The following PCDHGA3 variants were observed in gnomAD, a reference collection of about 807,000 sequenced individuals.
PCDHGA3 encodes the protein protocadherin gamma-A3.
PCDHGA3 carries 40 observed loss-of-function variants against 58.5 expected under a neutral mutation model. The ratio of observed to expected loss-of-function variants is 0.68; its 90% CI spans 0.53 to 0.89. The LOEUF (loss-of-function observed/expected upper bound fraction) is 0.89, where lower values mean the gene tolerates loss of function less well. PCDHGA3 is among the 40% of genes least tolerant of loss of function. The probability of loss-of-function intolerance (pLI) is 0.00; values close to 1 mark genes in which losing one functional copy is unlikely to be tolerated. For missense variants in PCDHGA3, 1,223 were observed against 1,195.9 expected (o/e 1.02, Z -0.33); for synonymous variants, 530 against 525.7 (o/e 1.01, Z -0.11).
chr5:141,361,159 G>A (rs776154088), intron 1 of PCDHGA3: 55 of 1,613,798 alleles, frequency 3.4e-5, no homozygotes, highest in Non-Finnish European at 3.1e-5. Context: ...TGATGACAAC[G>A]ATTGTGCACC....
intron 1 of PCDHGA3, chr5:141,395,349 CAG>C: frequency 7.2e-7 from 1 of 1,382,548 alleles, no homozygotes; most frequent in South Asian, 1.5e-5. Flanking sequence ...AGGTGTATCA[CAG>C]AGTTTTGGGT....
intron 1 of PCDHGA3, chr5:141,362,316 T>C: frequency 1.2e-6 from 2 of 1,614,050 alleles, no homozygotes; most frequent in Non-Finnish European, 1.7e-6. Flanking sequence ...GGGACTGTTT[T>C]CAGCCTGGTC....
In PCDHGA3 at chr5:141,356,423, G is replaced by C. The variant is rs760964193; in HGVS notation, c.2424+9966G>C. 20 of 1,606,564 alleles carry C rather than the reference G, an allele frequency of 1.2e-5. No individual in the cohort carries two copies. The Admixed American group carries it at 2.6e-4, about 21-fold the overall frequency. On this transcript the variant is annotated intron_variant, in intron 1 of 3. Transcript: ENST00000253812. ...AATTATTATCGGTTGTTGACACACA[G>C]AACACTGGACAGGGAAGAAGTCTCA... is the stretch of plus-strand genomic sequence containing the variant.
At chr5:141,361,147 C>A (rs1434690627) in intron 1 of PCDHGA3, 3 of 1,613,838 alleles carry the variant, frequency 1.9e-6, no homozygotes, top group East Asian at 2.2e-5. Flanking sequence ...AGTTGAAATT[C>A]TTGATGACAA....
chr5:141,460,275 A>G (rs2154566824), intron 1 of PCDHGA3, among the ~76,000 whole-genome samples: 1 of 152,098 alleles, frequency 6.6e-6, no homozygotes, highest in East Asian at 1.9e-4. Context: ...TTTTTCTTTT[A>G]TAGTTTGTAT....
chr5:141,399,731 CGCCTGCGCTCAGCGCAAACGTGA>C (rs777966215), intron 1 of PCDHGA3: 5 of 1,613,174 alleles, frequency 3.1e-6, no homozygotes, highest in Admixed American at 1.7e-5. Flanking sequence ...GACCAGGGCT[CGCCTGCGCTCAGCGCAAACGTGA>C]GCCTGCGCGT....
chr5:141,481,502 T>G (rs1425241526), intron 1 of PCDHGA3, among the ~76,000 whole-genome samples: 1 of 152,232 alleles, frequency 6.6e-6, no homozygotes, highest in Non-Finnish European at 1.5e-5. Context: ...TTGCATGGTA[T>G]GTGAATTATG....
chr5:141,415,419 C>T (rs2095868053), intron 1 of PCDHGA3: 1 of 1,614,196 alleles, frequency 6.2e-7, no homozygotes, highest in Non-Finnish European at 8.5e-7. Context: ...TGGGCGTGGA[C>T]GGGGTTCGGG....
chr5:141,352,327 T>G, intron 1 of PCDHGA3: 2 of 1,614,074 alleles, frequency 1.2e-6, no homozygotes, highest in Middle Eastern at 1.6e-4. Flanking sequence ...TTTACCTGGT[T>G]GTGGCCTTGG....
intron 1 of PCDHGA3, chr5:141,384,766 A>T (rs1277766667): frequency 6.2e-7 from 1 of 1,613,916 alleles, no homozygotes; most frequent in South Asian, 1.1e-5. Context: ...TGGGCTGTAC[A>T]CGGGCGAGGT....
chr5:141,392,081 T>A lies in PCDHGA3; in HGVS notation c.2424+45624T>A, dbSNP rs376097159. 3.3e-5 allele frequency: 5 copies of A among 152,350 alleles called. No individual in the cohort carries two copies. In the East Asian group the frequency reaches 7.7e-4, roughly 23 times the overall value. The allele number at this position is 152,350 out of a possible 1,614,324, so 9.4% of individuals were successfully genotyped here. A position where few individuals can be genotyped will look rare whatever the true frequency, so the allele number is the denominator to read the frequency against. On this transcript the variant is annotated intron_variant, in intron 1 of 3. Coordinates refer to ENST00000253812, the MANE Select transcript of PCDHGA3 (RefSeq NM_018916.4). ...TATCGACATGTAATTCAAGTGGCAT[T>A]TAGAAGAATAATTTAAAAGCAACAA...
chr5:141,371,349 G>T, intron 1 of PCDHGA3: 1 of 1,614,002 alleles, frequency 6.2e-7, no homozygotes, highest in Non-Finnish European at 8.5e-7. Flanking sequence ...CACAATTGGG[G>T]TGGAAGCAAA....
At position 141,486,447 on chromosome 5, in the gene PCDHGA3, T is replaced by A. The variant is rs1452869378; in HGVS notation, c.2425-8360T>A. 6.2e-7 allele frequency: 1 copy of A among 1,614,058 alleles called. No individual in the cohort carries two copies. The highest frequency in any genetic ancestry group is 1.7e-5 in the Admixed American group (1 of 60,012). On this transcript the variant is annotated intron_variant, in intron 1 of 3. Coordinates refer to ENST00000253812, the MANE Select transcript of PCDHGA3 (RefSeq NM_018916.4). This position sits in a 1 kb window ranked among gnomAD's most constrained non-coding sequence, Gnocchi z 5.0. Reference sequence around the variant, plus strand: ...GCCAAATCTAGCTATGACATCATGGTCACTGCTTCTGATGCTGGGAACCCT... The same window carrying A: ...GCCAAATCTAGCTATGACATCATGGACACTGCTTCTGATGCTGGGAACCCT...
In PCDHGA3 at chr5:141,376,300, C is replaced by G. The variant is rs202008607; in HGVS notation, c.2424+29843C>G. 1.3e-4 allele frequency: 204 copies of G among 1,614,218 alleles called. 1 individual carries two copies. The Middle Eastern group carries it at 1.7e-3, about 13-fold the overall frequency. On this transcript the variant is annotated intron_variant, in intron 1 of 3. Coordinates refer to ENST00000253812, the MANE Select transcript of PCDHGA3 (RefSeq NM_018916.4). ...GCTTAGCGAGCATGCCCGGCTCGCA[C>G]TTTGTGGGCGTGGAAGGGGTTCGGG...
chr5:141,487,751 G>A lies in PCDHGA3; in HGVS notation c.2425-7056G>A. ...CACCATTTTTGTAAGAGGTAACTAT[G>A]TGGTAGACGCTGTGCTTTGTAACTG... On this transcript the variant is annotated intron_variant, in intron 1 of 3. Coordinates refer to ENST00000253812, the MANE Select transcript of PCDHGA3 (RefSeq NM_018916.4). This position sits in a 1 kb window ranked among gnomAD's most constrained non-coding sequence, Gnocchi z 5.0. 1 of 1,555,004 alleles carries A rather than the reference G, an allele frequency of 6.4e-7. No homozygotes were observed.
In PCDHGA3 at chr5:141,482,843, G is replaced by T. The variant is rs1005014887; in HGVS notation, c.2425-11964G>T. On this transcript the variant is annotated intron_variant, in intron 1 of 3. Transcript: ENST00000253812. ...TCCTAGCACTTTGGGAGGCCAAGGT[G>T]GGCAGATCACTTGAGGTCAGGAGTT... Among the ~76,000 whole-genome samples the T allele has an allele frequency of 4.3e-5, 6 of 140,152 alleles. No homozygotes were observed. The South Asian group carries it at 8.6e-4, about 20-fold the overall frequency. 91.9% of individuals were successfully genotyped at this position (140,152 alleles called of 152,430 possible).
At chr5:141,413,129 A>G in intron 1 of PCDHGA3, 2 of 1,536,352 alleles carry the variant, frequency 1.3e-6, no homozygotes, top group East Asian at 2.3e-5. Context: ...GTTGAAACAC[A>G]CAACGTGTCC....
At chr5:141,384,990 G>A in intron 1 of PCDHGA3, 1 of 1,614,140 alleles carries the variant, frequency 6.2e-7, no homozygotes, top group Non-Finnish European at 8.5e-7. Context: ...TGGTGGCGGT[G>A]GCCACAGTCT....
At position 141,431,368 on chromosome 5, in the gene PCDHGA3, A is replaced by G; in HGVS notation, c.2425-63439A>G. On this transcript the variant is annotated intron_variant, in intron 1 of 3. Coordinates refer to ENST00000253812, the MANE Select transcript of PCDHGA3 (RefSeq NM_018916.4). The surrounding 1 kb of genome is among the most constrained non-coding windows in gnomAD (Gnocchi z 4.8). ...TGCTGAAACGCGCCCTGGACCGCGA[A>G]GAAAAGGCTGCTCACCACCTGGTCC... 1.9e-6 allele frequency: 3 copies of G among 1,614,002 alleles called. No individual in the cohort carries two copies. The highest frequency in any genetic ancestry group is 2.5e-6 in the Non-Finnish European group (3 of 1,180,034).
Sources: gnomAD v4.1 joint callset for allele counts (sites outside exome capture counted in the v4.1 genomes callset) on GRCh38, gnomAD v4.1.1 for gene constraint, Gnocchi (gnomAD v3.1) non-coding constraint, MANE v1.5 for transcripts, NCBI Gene and HGNC (gene_info 2026-07-23, HGNC 2026-07-21) for gene names.